The following NHSL1 variants were observed in gnomAD, a reference collection of about 807,000 sequenced individuals.
NHSL1 encodes NHS like 1.
A neutral mutation model predicts 95.0 loss-of-function variants in NHSL1; 48 were observed. The observed-to-expected ratio is 0.51, with a 90% CI of 0.40 to 0.64. The LOEUF (loss-of-function observed/expected upper bound fraction) is 0.64, where lower values mean the gene tolerates loss of function less well. NHSL1 is among the 30% of genes least tolerant of loss of function. The pLI is 0.00. For synonymous variants in NHSL1, 783 were observed against 833.9 expected, an observed-to-expected ratio of 0.94 and a Z score of 1.05; for missense variants, 1,971 against 2,077.7, an observed-to-expected ratio of 0.95 and a Z score of 1.00.
intron 1 of NHSL1, among the ~76,000 whole-genome samples, chr6:138,665,569 G>A (rs1232382354): frequency 1.3e-5 from 2 of 152,134 alleles, no homozygotes; most frequent in Admixed American, 1.3e-4. Context: ...CAAGTTGGCT[G>A]GATGGATGGA....
chr6:138,612,283 C>T (rs1784524145), intron 1 of NHSL1, among the ~76,000 whole-genome samples: 1 of 152,054 alleles, frequency 6.6e-6, no homozygotes, highest in African/African-American at 2.4e-5. Flanking sequence ...AGTAGAAACA[C>T]TCACACATAT....
chr6:138,676,491 T>G (rs530012262), intron 1 of NHSL1, among the ~76,000 whole-genome samples: 28 of 152,288 alleles, frequency 1.8e-4, no homozygotes, highest in African/African-American at 2.4e-4. Context: ...ACAGGCACTG[T>G]TCTATATCTC....
intron 1 of NHSL1, among the ~76,000 whole-genome samples, chr6:138,681,167 G>T (rs1393891309): frequency 6.6e-6 from 1 of 152,072 alleles, no homozygotes; most frequent in African/African-American, 2.4e-5. Flanking sequence ...TATGAATGAA[G>T]AAGAGCAACA....
chr6:138,693,088 CGGCCGCGGCGGCGAG>C (rs1785710806), upstream of NHSL1, among the ~76,000 whole-genome samples: 1 of 151,072 alleles, frequency 6.6e-6, no homozygotes, highest in Non-Finnish European at 1.5e-5. This position sits in a 1 kb window ranked among gnomAD's most constrained non-coding sequence, Gnocchi z 4.3. Flanking sequence ...TGGGCGGCGG[CGGCCGCGGCGGCGAG>C]GGGAGCCGCG....
At chr6:138,581,583 T>C (rs1562382061) in intron 1 of NHSL1, among the ~76,000 whole-genome samples, 3 of 151,130 alleles carry the variant, frequency 2.0e-5, no homozygotes, top group Admixed American at 2.0e-4. Flanking sequence ...TCCCAGCTGC[T>C]TGGGAGGCAG....
intron 2 of NHSL1, among the ~76,000 whole-genome samples, chr6:138,484,003 TCTTCTCC>T (rs1779576913): frequency 6.6e-6 from 1 of 152,206 alleles, no homozygotes; most frequent in South Asian, 2.1e-4. Flanking sequence ...TAAATGGGCC[TCTTCTCC>T]CATCCACAAC....
intron 2 of NHSL1, among the ~76,000 whole-genome samples, chr6:138,488,012 T>A (rs1046205780): frequency 2.0e-5 from 3 of 152,160 alleles, no homozygotes; most frequent in African/African-American, 7.2e-5. Flanking sequence ...GCGTGGTGGC[T>A]CACGTCTATA....
chr6:138,526,104 A>AG (rs1385903041), intron 1 of NHSL1, among the ~76,000 whole-genome samples: 3 of 151,964 alleles, frequency 2.0e-5, no homozygotes, highest in African/African-American at 4.8e-5. Flanking sequence ...AAAAAAAAAA[A>AG]AAAAGAAAAT....
At chr6:138,536,456 G>A (rs1333415585) in intron 1 of NHSL1, among the ~76,000 whole-genome samples, 1 of 152,154 alleles carries the variant, frequency 6.6e-6, no homozygotes, top group Non-Finnish European at 1.5e-5. Context: ...GAGCAGTCTT[G>A]TAAACCCAAA....
intron 1 of NHSL1, among the ~76,000 whole-genome samples, chr6:138,598,507 G>C (rs973278233): frequency 2.6e-5 from 4 of 151,144 alleles, no homozygotes; most frequent in East Asian, 3.9e-4. Context: ...TGTAGCCCCA[G>C]CTACTCTGGA....
chr6:138,496,088 T>C, intron 2 of NHSL1, 131 bp downstream of exon 2: 1 of 1,014,708 alleles, frequency 9.9e-7, no homozygotes, highest in South Asian at 1.5e-5. Context: ...GTTGTATTTA[T>C]GATATCGTAT....
intron 1 of NHSL1, among the ~76,000 whole-genome samples, chr6:138,544,915 C>G (rs764694083): frequency 2.0e-5 from 3 of 151,564 alleles, no homozygotes; most frequent in Non-Finnish European, 2.9e-5. Flanking sequence ...ATATAATCAC[C>G]ATCTTATAGT....
intron 1 of NHSL1, among the ~76,000 whole-genome samples, chr6:138,652,112 C>T (rs986862081): frequency 6.6e-5 from 10 of 152,030 alleles, no homozygotes; most frequent in African/African-American, 2.4e-4. Flanking sequence ...TTTACCTTTG[C>T]TAAAATGTAT....
At chr6:138,512,387 A>C (rs1301503374) in intron 1 of NHSL1, 3 of 446,788 alleles carry the variant, frequency 6.7e-6, no homozygotes, top group Non-Finnish European at 1.3e-5. Flanking sequence ...TTCCGGCACG[A>C]TGTCCCATGT....
At chr6:138,458,901 T>C (rs929785064) in intron 3 of NHSL1, among the ~76,000 whole-genome samples, 2 of 152,044 alleles carry the variant, frequency 1.3e-5, no homozygotes, top group Middle Eastern at 3.2e-3. Flanking sequence ...GTTAATCTTA[T>C]AAATTAACTT....
intron 1 of NHSL1, among the ~76,000 whole-genome samples, chr6:138,541,131 G>C (rs924484859): frequency 6.6e-6 from 1 of 152,184 alleles, no homozygotes; most frequent in Non-Finnish European, 1.5e-5. Flanking sequence ...ACTTTGGGAG[G>C]CTGAGGCGGC....
In NHSL1 at chr6:138,460,678, T is replaced by C. The variant is rs991075850; in HGVS notation, c.339+12628A>G. ...TATTTGTGGGAAATCCTGGAACCAG[T>C]TGCCCATGGATACTGAGGGATTACT... On this transcript the variant is annotated intron_variant, in intron 3 of 7. Coordinates refer to ENST00000343505, the MANE Select transcript of NHSL1 (RefSeq NM_001144060.2). 1.8e-4 allele frequency among the ~76,000 whole-genome samples: 27 copies of C among 151,980 alleles called. 1 individual carries two copies. Among genetic ancestry groups the C allele is most frequent in the Non-Finnish European group, 2.9e-4 (20 of 68,012 alleles).
chr6:138,512,027 A>C (rs1400306292), intron 1 of NHSL1, among the ~76,000 whole-genome samples: 1 of 152,206 alleles, frequency 6.6e-6, no homozygotes, highest in Non-Finnish European at 1.5e-5. Context: ...CACTTGTATC[A>C]CCTCATCTGA....
chr6:138,571,306 C>T (rs1038952745), intron 1 of NHSL1, among the ~76,000 whole-genome samples: 10 of 152,262 alleles, frequency 6.6e-5, no homozygotes, highest in Non-Finnish European at 1.3e-4. Context: ...AGACTATGTA[C>T]GATTCCCGAA....
Sources: allele counts gnomAD v4.1 joint callset (sites outside exome capture counted in the v4.1 genomes callset), GRCh38; gene constraint gnomAD v4.1.1; non-coding constraint Gnocchi (gnomAD v3.1); transcripts MANE v1.5; gene names NCBI Gene and HGNC (gene_info 2026-07-23, HGNC 2026-07-21).